Variants in REL observed in about 807,000 individuals in gnomAD.
REL encodes proto-oncogene c-Rel.
Under a neutral mutation model 45.9 loss-of-function variants are expected in REL, and 15 were observed. The observed-to-expected ratio is 0.33, with a 90% confidence interval of 0.22 to 0.50. REL has a LOEUF of 0.50. Among genes scored for constraint, REL ranks in the 20% least tolerant of loss-of-function variants. REL has a pLI of 0.98. For synonymous variants in REL, 239 were observed against 242.1 expected, an observed-to-expected ratio of 0.99 and a Z score of 0.12; for missense variants, 601 against 715.2, an observed-to-expected ratio of 0.84 and a Z score of 1.82.
At chr2:60,886,295 T>C (rs1673070525) in intron 1 of REL, among the ~76,000 whole-genome samples, 1 of 152,216 alleles carries the variant, frequency 6.6e-6, no homozygotes. Flanking sequence ...CAGTATGAAC[T>C]CTGTTCTAGG....
chr2:60,887,991 A>G (rs1673111466), intron 1 of REL, among the ~76,000 whole-genome samples: 1 of 151,178 alleles, frequency 6.6e-6, no homozygotes, highest in African/African-American at 2.4e-5. Context: ...GCAGTGGTAC[A>G]ATCTTGGCTC....
At chr2:60,907,780 T>C (rs949556084) in intron 4 of REL, among the ~76,000 whole-genome samples, 1 of 150,442 alleles carries the variant, frequency 6.6e-6, no homozygotes, top group Non-Finnish European at 1.5e-5. Context: ...AAGCTCTGTC[T>C]CCCAGGTTCA....
At chr2:60,892,411 T>C (rs1673236568) in intron 2 of REL, among the ~76,000 whole-genome samples, 1 of 152,328 alleles carries the variant, frequency 6.6e-6, no homozygotes, top group East Asian at 1.9e-4. Flanking sequence ...CTAATAGTTA[T>C]AAGATGTACT....
At chr2:60,884,542 G>A (rs1049157393) in intron 1 of REL, among the ~76,000 whole-genome samples, 2 of 151,922 alleles carry the variant, frequency 1.3e-5, no homozygotes, top group Admixed American at 6.6e-5. Context: ...ATGCATAGTA[G>A]GCAGTTGTTG....
At position 60,927,152 on chromosome 2, in the gene REL, C is replaced by G. The variant is rs926179959; in HGVS notation, c.*4617C>G. 4.4e-6 allele frequency: 1 copy of G among 224,970 alleles called. No individual in the cohort carries two copies. Among genetic ancestry groups the G allele is most frequent in the African/African-American group, 2.2e-5 (1 of 44,792 alleles). The allele number at this position is 224,970 out of a possible 1,614,324, so 13.9% of individuals were successfully genotyped here. On this transcript the variant is annotated 3_prime_UTR_variant, in exon 10 of 10. Coordinates refer to ENST00000394479, the MANE Select transcript of REL (RefSeq NM_001291746.2). ...GTTTGTCTCTTTCGTCATTGGGACT[C>G]CAGCACCCAGCATAGTCCCTAGTAT...
In REL at chr2:60,915,162, C is replaced by T. The variant is rs74521108; in HGVS notation, c.395-1715C>T. On this transcript the variant is annotated intron_variant, in intron 4 of 9. Coordinates refer to ENST00000394479, the MANE Select transcript of REL (RefSeq NM_001291746.2). ...TTCTCTTTTATTGCTGAGTTTATTC[C>T]ATTGTAGGTCTATACCACACTTTGT... is the stretch of plus-strand genomic sequence containing the variant. 2.0e-5 allele frequency among the ~76,000 whole-genome samples: 3 copies of T among 152,226 alleles called. No homozygotes were observed. In the East Asian group the frequency reaches 5.8e-4, roughly 29 times the overall value.
At chr2:60,900,752 A>C (rs1217326134) in intron 3 of REL, 1 of 400,254 alleles carries the variant, frequency 2.5e-6, no homozygotes, top group Non-Finnish European at 4.5e-6. Context: ...GGAACTCCTG[A>C]CCTCAGGTGA....
chr2:60,906,925 T>TTTTTTTTTTAC (rs1379444628), intron 4 of REL, among the ~76,000 whole-genome samples: 1 of 144,850 alleles, frequency 6.9e-6, no homozygotes, highest in African/African-American at 2.5e-5. Flanking sequence ...TTTTTTTTTT[T>TTTTTTTTTTAC]TTTTCTTTTC....
At position 60,898,891 on chromosome 2, in the gene REL, G is replaced by A. The variant is rs568577447; in HGVS notation, c.303-2101G>A. On this transcript the variant is annotated intron_variant, in intron 3 of 9. Coordinates refer to ENST00000394479, the MANE Select transcript of REL (RefSeq NM_001291746.2). ...TTGCAGAGTTTTTGGTATATAGTAC[G>A]AACCCCAAAGCTTGTTGAATGTCTG... 3.9e-5 allele frequency: 6 copies of A among 152,252 alleles called. No individual in the cohort carries two copies. In the South Asian group the frequency reaches 8.3e-4, roughly 21 times the overall value. 9.4% of individuals were successfully genotyped at this position (152,252 alleles called of 1,614,324 possible).
chr2:60,895,422 C>CT (rs1453001359), intron 3 of REL, among the ~76,000 whole-genome samples: 1 of 152,118 alleles, frequency 6.6e-6, no homozygotes, highest in Non-Finnish European at 1.5e-5. Context: ...CTCAGGCAGT[C>CT]TGTCCACCTT....
At chr2:60,902,753 T>C (rs1673532047) in intron 4 of REL, among the ~76,000 whole-genome samples, 1 of 151,958 alleles carries the variant, frequency 6.6e-6, no homozygotes, top group African/African-American at 2.4e-5. Flanking sequence ...CATGCCCAGC[T>C]AGTTTTTGTA....
At position 60,901,048 on chromosome 2, in the gene REL, T is replaced by C; in HGVS notation, c.359T>C (p.Ile120Thr). 6.2e-7 allele frequency: 1 copy of C among 1,610,172 alleles called. No homozygotes were observed. The highest frequency in any genetic ancestry group is 8.5e-7 in the Non-Finnish European group (1 of 1,178,754). The change falls in exon 4 of 10, where the codon ATT becomes ACT. Residue 120 changes from isoleucine to threonine, a missense_variant. Coordinates refer to ENST00000394479, the MANE Select transcript of REL (RefSeq NM_001291746.2). ...AAAAAAGAAGTAAAAGAAGCTATTA[T>C]TACAAGAATAAAGGCAGGAATCAAT... The part of the protein sequence containing the change: ...VKKKEVKEAI[I>T]TRIKAGINPF...
rs1459736204 is a variant in REL at position 60,902,075 on chromosome 2, A to G, written c.394+992A>G. On this transcript the variant is annotated intron_variant, in intron 4 of 9. Coordinates refer to ENST00000394479, the MANE Select transcript of REL (RefSeq NM_001291746.2). The stretch of plus-strand genomic sequence containing the variant: ...GTAGCCTCCATTCTGAAGTCTTTGC[A>G]GCTACTTAAATATGCAGAAGTCAGG... Among the ~76,000 whole-genome samples the G allele has an allele frequency of 2.8e-4, 43 of 152,138 alleles. 2 individuals are homozygous for G. The highest frequency in any genetic ancestry group is 6.3e-4 in the Non-Finnish European group (43 of 68,020).
chr2:60,882,276 C>T (rs375043385), intron 1 of REL, among the ~76,000 whole-genome samples: 5 of 152,234 alleles, frequency 3.3e-5, no homozygotes, highest in African/African-American at 1.2e-4. Context: ...AGGTGATCCC[C>T]CTTGTACTGA....
intron 5 of REL, among the ~76,000 whole-genome samples, 183 bp downstream of exon 5, chr2:60,917,200 C>T (rs1673994171): frequency 6.6e-6 from 1 of 152,106 alleles, no homozygotes; most frequent in Admixed American, 6.5e-5. Context: ...TAATCACTAT[C>T]CTTAGGTGCA....
intron 1 of REL, among the ~76,000 whole-genome samples, 162 bp downstream of exon 1, chr2:60,882,012 A>G (rs114451747): frequency 0.022 from 3,322 of 152,314 alleles, 39 homozygotes; most frequent in Non-Finnish European, 0.033. Flanking sequence ...TACCTGCTTC[A>G]GGGTTTGCGT....
At chr2:60,903,606 T>G (rs1343311291) in intron 4 of REL, among the ~76,000 whole-genome samples, 1 of 152,122 alleles carries the variant, frequency 6.6e-6, no homozygotes, top group African/African-American at 2.4e-5. Flanking sequence ...CAATCTCGAC[T>G]TGCTGCAACC....
rs181887010 is a variant in REL, at chr2:60,928,040, A to T, written c.*5505A>T. 4.3e-4 allele frequency: 85 copies of T among 197,420 alleles called. No individual in the cohort carries two copies. Among genetic ancestry groups the T allele is most frequent in the African/African-American group, 1.8e-3 (78 of 43,314 alleles). 12.2% of individuals were successfully genotyped at this position (197,420 alleles called of 1,614,324 possible). On this transcript the variant is annotated 3_prime_UTR_variant, in exon 10 of 10. Transcript: ENST00000394479. ...GAGAGACATGGAGCAGGGCACTGGC[A>T]TGGTGGATGGATCACGCCTGTAATC...
chr2:60,884,902 A>T (rs577219975), intron 1 of REL, among the ~76,000 whole-genome samples: 26 of 152,284 alleles, frequency 1.7e-4, no homozygotes, highest in Non-Finnish European at 2.9e-4. Flanking sequence ...GAGGCAACTT[A>T]ATCTTTAATA....
Sources: gnomAD v4.1 joint callset for allele counts (sites outside exome capture counted in the v4.1 genomes callset) on GRCh38, gnomAD v4.1.1 for gene constraint, MANE v1.5 for transcripts, NCBI Gene and HGNC (gene_info 2026-07-23, HGNC 2026-07-21) for gene names.